Variants in LAMA5 observed in about 807,000 individuals in gnomAD.
LAMA5 encodes laminin subunit alpha 5.
Under a neutral mutation model 433.4 loss-of-function variants are expected in LAMA5, and 260 were observed. That is an observed-to-expected ratio of 0.60 (90% CI 0.54 to 0.66). The LOEUF is 0.66. Ranked by LOEUF, LAMA5 falls within the 30% of genes least tolerant of loss-of-function variation. The pLI, the probability that LAMA5 is intolerant of heterozygous loss-of-function variation, is 0.00. For synonymous variants in LAMA5, 2,620 were observed against 2,226.6 expected, an observed-to-expected ratio of 1.18 and a Z score of -4.97; for missense variants, 5,378 against 5,258.5, an observed-to-expected ratio of 1.02 and a Z score of -0.70.
At position 62,316,107 on chromosome 20, in the gene LAMA5, C is replaced by T; in HGVS notation, c.7757-49G>A. ...CCCAGGCAGCTTCACCCCCAGTATA[C>T]AATTGCAGCCCACCTCCACCCTTCT... is the stretch of plus-strand genomic sequence containing the variant. On this transcript the variant is annotated intron_variant, in intron 57 of 79. Transcript: ENST00000252999. The T allele has an allele frequency of 2.3e-6, 3 of 1,306,562 alleles. No individual in the cohort carries two copies. The East Asian group carries it at 7.2e-5, about 32-fold the overall frequency. The allele number at this position is 1,306,562 out of a possible 1,614,324, so 80.9% of individuals were successfully genotyped here. A position where few individuals can be genotyped will look rare whatever the true frequency, so the allele number is the denominator to read the frequency against.
chr20:62,321,415 G>A (rs1371046587), intron 48 of LAMA5, among the ~76,000 whole-genome samples: 1 of 23,350 alleles, frequency 4.3e-5, no homozygotes, highest in Non-Finnish European at 9.1e-5. Context: ...TTCAGAGGAC[G>A]GGTAGGGTCA....
At chr20:62,335,769 C>T (rs1409714202) in intron 18 of LAMA5, among the ~76,000 whole-genome samples, 1 of 146,810 alleles carries the variant, frequency 6.8e-6, no homozygotes, top group African/African-American at 2.5e-5. Context: ...CTCTCCAGGG[C>T]ACACTCATGG....
intron 72 of LAMA5, 30 bp downstream of exon 72, chr20:62,311,371 G>T (rs1339636289): frequency 1.3e-6 from 2 of 1,529,818 alleles, no homozygotes; most frequent in South Asian, 2.4e-5. Context: ...AGCCACCCCA[G>T]CTCTGCCTGC....
intron 6 of LAMA5, among the ~76,000 whole-genome samples, chr20:62,348,330 C>T (rs149610606): frequency 0.019 from 2,932 of 152,326 alleles, 36 homozygotes; most frequent in Non-Finnish European, 0.025. Context: ...ATAGGCCGGG[C>T]GCAGTGGCTC....
chr20:62,351,671 C>T (rs1302581756), intron 6 of LAMA5, 33 bp downstream of exon 6: 1 of 1,594,454 alleles, frequency 6.3e-7, no homozygotes, highest in Admixed American at 1.7e-5. Context: ...GGGGGCCTCA[C>T]CTGAACGGGG....
chr20:62,321,726 T>TGGAGGGGAGGGGC, intron 48 of LAMA5, among the ~76,000 whole-genome samples: 1 of 63,810 alleles, frequency 1.6e-5, no homozygotes, highest in Non-Finnish European at 2.8e-5. Context: ...AGGGGTGGGG[T>TGGAGGGGAGGGGC]CAGTGGAGGG....
chr20:62,312,903 G>C lies in LAMA5; in HGVS notation c.9063C>G (p.Thr3021=), dbSNP rs201833837. 10 of 1,584,872 alleles carry C rather than the reference G, an allele frequency of 6.3e-6. No homozygotes were observed. In the African/African-American group the frequency reaches 1.1e-4, roughly 17 times the overall value. The change falls in exon 66 of 80, where the codon ACC becomes ACG. Residue 3021 remains threonine (T), a synonymous_variant. Transcript: ENST00000252999. ...AVPLQPPPPL[T]SASKAIQVFL... Reference sequence around the variant, plus strand: ...CTGGCCCTACCGCCTTGCTGGCCGAGGTCAGGGGCGGTGGGGGCTGCAGTG... The same window carrying C: ...CTGGCCCTACCGCCTTGCTGGCCGACGTCAGGGGCGGTGGGGGCTGCAGTG...
chr20:62,342,332 T>G, intron 11 of LAMA5: 1 of 369,010 alleles, frequency 2.7e-6, no homozygotes, highest in Non-Finnish European at 5.3e-6. Flanking sequence ...GAAAATTGAA[T>G]ACAATAGCCA....
At chr20:62,336,514 A>G (rs1343175992) in intron 17 of LAMA5, 69 bp from the exon 18 acceptor site, 4 of 1,401,942 alleles carry the variant, frequency 2.9e-6, no homozygotes, top group Non-Finnish European at 4.0e-6. Flanking sequence ...ATAGAGCCAT[A>G]GAGCCCTGAC....
rs1011284525 is a variant in LAMA5, at chr20:62,310,234, G to A, written c.10678C>T (p.His3560Tyr). 1.5e-5 allele frequency: 24 copies of A among 1,612,462 alleles called. No individual in the cohort carries two copies. The highest frequency in any genetic ancestry group is 2.0e-5 in the Non-Finnish European group (24 of 1,179,926). The change falls in exon 77 of 80, where the codon CAC becomes TAC. Residue 3560 changes from histidine (H) to tyrosine (Y), a missense_variant. Coordinates refer to ENST00000252999, the MANE Select transcript of LAMA5 (RefSeq NM_005560.6). ...RPLAVTGLIF[H>Y]LGQARTPPYL... ...GGGGGCGTCCGGGCCTGGCCCAAGT[G>A]GAAGATCAGTCCGGTGACTGCCAGG...
At chr20:62,315,610 G>A (rs1043686041) in intron 58 of LAMA5, among the ~76,000 whole-genome samples, 1 of 152,144 alleles carries the variant, frequency 6.6e-6, no homozygotes, top group Non-Finnish European at 1.5e-5. Context: ...GGTCTTGCCA[G>A]CCCCTTGGTT....
intron 40 of LAMA5, chr20:62,326,474 G>C: frequency 1.8e-6 from 1 of 550,432 alleles, no homozygotes. Context: ...CAGGTGGGAA[G>C]ACAGCATGAC....
chr20:62,344,118 T>G (rs1983002901), intron 11 of LAMA5, among the ~76,000 whole-genome samples: 1 of 127,426 alleles, frequency 7.8e-6, no homozygotes, highest in South Asian at 2.5e-4. Flanking sequence ...CATTCCAGCC[T>G]GGGTAAAAAG....
intron 1 of LAMA5, among the ~76,000 whole-genome samples, chr20:62,365,312 G>A (rs577313163): frequency 1.5e-4 from 23 of 152,302 alleles, no homozygotes; most frequent in African/African-American, 5.1e-4. Context: ...CAGGTGAGGG[G>A]GGCCAGCACG....
At position 62,312,742 on chromosome 20, in the gene LAMA5, C is replaced by T. The variant is rs773683591; in HGVS notation, c.9117G>A (p.Val3039=). Residue 3039 remains valine, a synonymous_variant, in exon 67 of 80, where the codon GTG becomes GTA. Coordinates refer to ENST00000252999, the MANE Select transcript of LAMA5 (RefSeq NM_005560.6). ...CCGTGGCCCGCTCCACACGCACCAGCACACGCTTGCGGCTGCCCCCCAGCA... is the reference window on the plus strand; with the variant it reads ...CCGTGGCCCGCTCCACACGCACCAGTACACGCTTGCGGCTGCCCCCCAGCA... The part of the protein sequence containing the change: ...VFLLGGSRKR[V]LVRVERATVY... 2.5e-6 allele frequency: 4 copies of T among 1,592,534 alleles called. No individual in the cohort carries two copies. The highest frequency in any genetic ancestry group is 3.4e-6 in the Non-Finnish European group (4 of 1,170,980).
chr20:62,365,077 G>A (rs1000972911), intron 1 of LAMA5, among the ~76,000 whole-genome samples: 1 of 152,286 alleles, frequency 6.6e-6, no homozygotes, highest in African/African-American at 2.4e-5. Context: ...TCCAGCTCAC[G>A]TCTACCAGCT....
Position 62,320,905 on chromosome 20 carries a change from G to T in LAMA5, c.6497-15C>A. ...GTGGTCACACACTGCAGGCGATGTGGGGTCACAGGTCAGTGTCATTGGGTC... is the reference window on the plus strand; with the variant it reads ...GTGGTCACACACTGCAGGCGATGTGTGGTCACAGGTCAGTGTCATTGGGTC... On this transcript the variant is annotated splice_polypyrimidine_tract_variant and intron_variant, in intron 48 of 79. Transcript: ENST00000252999. 1 of 1,600,568 alleles carries T rather than the reference G, an allele frequency of 6.2e-7. No individual in the cohort carries two copies. The highest frequency in any genetic ancestry group is 1.1e-5 in the South Asian group (1 of 90,422).
rs117367136 is a variant in LAMA5 at position 62,323,940 on chromosome 20, C to G, written c.5769-84G>C. ...CACACTGTGCTCCGGCTGGAACACA[C>G]GCCAGGCGTCGGGGGCCCAGACCTC... On this transcript the variant is annotated intron_variant, in intron 43 of 79. Transcript: ENST00000252999. The G allele has an allele frequency of 3.0e-5, 44 of 1,449,158 alleles. No homozygotes were observed. The East Asian group carries it at 9.7e-4, about 32-fold the overall frequency. 89.8% of individuals were successfully genotyped at this position (1,449,158 alleles called of 1,614,324 possible).
chr20:62,330,374 G>C, intron 31 of LAMA5, 114 bp downstream of exon 31: 3 of 1,366,732 alleles, frequency 2.2e-6, no homozygotes, highest in Non-Finnish European at 2.9e-6. Context: ...CTGATGGCAG[G>C]ACAGAGTCAT....
Sources: allele counts gnomAD v4.1 joint callset (sites outside exome capture counted in the v4.1 genomes callset), GRCh38; gene constraint gnomAD v4.1.1; transcripts MANE v1.5; gene names NCBI Gene and HGNC (gene_info 2026-07-23, HGNC 2026-07-21).